The following NCOA2 variants were observed in gnomAD, a reference collection of about 807,000 sequenced individuals.
The protein encoded by NCOA2 is nuclear receptor coactivator 2.
In NCOA2, 21 loss-of-function variants were observed where a neutral mutation model predicts 145.1. That is an observed-to-expected ratio of 0.14 (90% confidence interval 0.10 to 0.21). NCOA2 has a LOEUF of 0.21. Among genes scored for constraint, NCOA2 ranks in the 10% least tolerant of loss-of-function variants. NCOA2 has a pLI of 1.00. For synonymous variants in NCOA2, 619 were observed against 637.5 expected (o/e 0.97, Z 0.44); for missense variants, 1,472 against 1,837.6 (o/e 0.80, Z 3.64).
At chr8:70,121,083 A>T (rs903436317) in intron 22 of NCOA2, among the ~76,000 whole-genome samples, 1 of 152,236 alleles carries the variant, frequency 6.6e-6, no homozygotes, top group African/African-American at 2.4e-5. Flanking sequence ...ATAAAAAAAA[A>T]TTTAGTGTTC....
In NCOA2 at chr8:70,253,586, CA is replaced by C. The variant is rs371361767; in HGVS notation, c.-19-36823del. 2.4e-3 allele frequency among the ~76,000 whole-genome samples: 366 copies of C among 151,698 alleles called. 2 individuals carry two copies. Among genetic ancestry groups the C allele is most frequent in the African/African-American group, 8.3e-3 (343 of 41,356 alleles). Reference sequence around the variant, plus strand: ...CAGAAAAAAACAAAACAAAACAAAACAAAAAAACCTCTCACATATATGGTCA... The same window carrying C: ...CAGAAAAAAACAAAACAAAACAAAACAAAAAACCTCTCACATATATGGTCA... On this transcript the variant is annotated intron_variant, in intron 2 of 22. Transcript: ENST00000452400.
At chr8:70,187,639 C>T (rs1048576834) in intron 4 of NCOA2, among the ~76,000 whole-genome samples, 2 of 151,978 alleles carry the variant, frequency 1.3e-5, no homozygotes, top group Non-Finnish European at 2.9e-5. Flanking sequence ...CCATATAGGC[C>T]ATAGAACATA....
At chr8:70,308,590 T>C (rs763756767) in intron 1 of NCOA2, among the ~76,000 whole-genome samples, 8 of 152,166 alleles carry the variant, frequency 5.3e-5, no homozygotes, top group Non-Finnish European at 7.3e-5. Flanking sequence ...TTCTATTCCA[T>C]GGGGGAAATT....
At chr8:70,397,749 A>G (rs1813818166) in intron 1 of NCOA2, among the ~76,000 whole-genome samples, 1 of 152,236 alleles carries the variant, frequency 6.6e-6, no homozygotes, top group Non-Finnish European at 1.5e-5. Context: ...AAATATTCAT[A>G]CCTTCATTAC....
rs561287704 is a variant in NCOA2 at position 70,143,183 on chromosome 8, T to C, written c.2812+1459A>G. On this transcript the variant is annotated intron_variant, in intron 13 of 22. Coordinates refer to ENST00000452400, the MANE Select transcript of NCOA2 (RefSeq NM_006540.4). ...CGGGATGGTCTCGAACTCCTGACCT[T>C]GTCATCCACCCGCCTTGGCCTCCCA... Among the ~76,000 whole-genome samples the C allele has an allele frequency of 2.0e-5, 3 of 152,198 alleles. No homozygotes were observed. The South Asian group carries it at 6.2e-4, about 32-fold the overall frequency.
chr8:70,128,711 T>C lies in NCOA2; in HGVS notation c.3594A>G (p.Gln1198=). The change falls in exon 17 of 23, where the codon CAA becomes CAG. Residue 1198 remains glutamine (Q), a synonymous_variant. Transcript: ENST00000452400. ...QLRLQLQHRL[Q]AQQNRQPLMN... ...CCATCGAAGAACAGACCTGCTGTGCTTGGAGGCGATGCTGAAGTTGAAGTC... is the reference window on the plus strand; with the variant it reads ...CCATCGAAGAACAGACCTGCTGTGCCTGGAGGCGATGCTGAAGTTGAAGTC... The C allele has an allele frequency of 6.2e-7, 1 of 1,613,530 alleles. No individual in the cohort carries two copies. The highest frequency in any genetic ancestry group is 8.5e-7 in the Non-Finnish European group (1 of 1,179,826).
intron 1 of NCOA2, among the ~76,000 whole-genome samples, chr8:70,390,605 A>G (rs890379760): frequency 2.2e-5 from 3 of 138,860 alleles, no homozygotes; most frequent in African/African-American, 6.3e-5. Context: ...TCTATAGAGA[A>G]AAAAAAAAAA....
intron 4 of NCOA2, among the ~76,000 whole-genome samples, chr8:70,189,553 C>G (rs1292559906): frequency 2.0e-5 from 3 of 152,202 alleles, no homozygotes; most frequent in African/African-American, 7.2e-5. Context: ...GTGGGCTGAA[C>G]AGGCTGTACA....
chr8:70,410,169 C>A, the NCOA2 span, among the ~76,000 whole-genome samples: 21 of 152,074 alleles, frequency 1.4e-4, no homozygotes, highest in African/African-American at 4.8e-4. Context: ...GAGATTGTGC[C>A]AGTGCACTAC....
At chr8:70,290,184 ATTTTTTTTTT>A (rs918257984) in intron 2 of NCOA2, among the ~76,000 whole-genome samples, 2 of 122,302 alleles carry the variant, frequency 1.6e-5, no homozygotes, top group Non-Finnish European at 3.4e-5. Context: ...ATTTCCATTG[ATTTTTTTTTT>A]TTTTTTTTTT....
intron 1 of NCOA2, among the ~76,000 whole-genome samples, chr8:70,326,322 T>C (rs1003674220): frequency 6.6e-6 from 1 of 152,140 alleles, no homozygotes; most frequent in Non-Finnish European, 1.5e-5. Flanking sequence ...TTCTCCCATA[T>C]ACATGTGAAA....
chr8:70,245,928 G>A (rs1176052343), intron 2 of NCOA2, among the ~76,000 whole-genome samples: 2 of 152,050 alleles, frequency 1.3e-5, no homozygotes, highest in African/African-American at 4.8e-5. Context: ...CCCTGTATTA[G>A]TAAAACACAT....
At chr8:70,163,631 G>GT in intron 7 of NCOA2, 65 bp from the exon 8 acceptor site, 1 of 1,241,994 alleles carries the variant, frequency 8.1e-7, no homozygotes, top group Non-Finnish European at 1.2e-6. Flanking sequence ...AAACCCAAGT[G>GT]TATTTATGAC....
chr8:70,318,905 T>C (rs1420734336), intron 1 of NCOA2, among the ~76,000 whole-genome samples: 5 of 152,326 alleles, frequency 3.3e-5, no homozygotes, highest in Non-Finnish European at 7.3e-5. Flanking sequence ...AATGGGTGTT[T>C]TGTCCACCCA....
intron 2 of NCOA2, among the ~76,000 whole-genome samples, chr8:70,239,810 T>C (rs1035795641): frequency 7.2e-5 from 11 of 152,168 alleles, no homozygotes; most frequent in Admixed American, 4.6e-4. Flanking sequence ...AACCACAAGA[T>C]AATAAAGTTA....
chr8:70,336,075 G>A (rs1807562104), intron 1 of NCOA2, among the ~76,000 whole-genome samples: 1 of 152,128 alleles, frequency 6.6e-6, no homozygotes, highest in Non-Finnish European at 1.5e-5. Context: ...GGGTGAGTCA[G>A]TGAGTGAGTG....
intron 1 of NCOA2, among the ~76,000 whole-genome samples, chr8:70,359,554 T>G (rs1480311640): frequency 6.6e-6 from 1 of 152,166 alleles, no homozygotes; most frequent in Non-Finnish European, 1.5e-5. Flanking sequence ...TGCCAGCCAC[T>G]CTTGAAGGGG....
chr8:70,242,231 A>G (rs540884055), intron 2 of NCOA2, among the ~76,000 whole-genome samples: 2 of 152,286 alleles, frequency 1.3e-5, no homozygotes, highest in East Asian at 3.9e-4. Flanking sequence ...CTATCTCAAC[A>G]TACTTCTTAA....
chr8:70,450,005 C>CTT, the NCOA2 span, among the ~76,000 whole-genome samples: 3 of 151,902 alleles, frequency 2.0e-5, no homozygotes, highest in Admixed American at 6.6e-5. Flanking sequence ...TAATATATAC[C>CTT]TTTTTTTTAT....
Sources: allele counts gnomAD v4.1 joint callset (sites outside exome capture counted in the v4.1 genomes callset), GRCh38; gene constraint gnomAD v4.1.1; transcripts MANE v1.5; gene names NCBI Gene and HGNC (gene_info 2026-07-23, HGNC 2026-07-21).